Variants in NAPA observed in about 807,000 individuals in gnomAD.
NAPA encodes the protein alpha-soluble NSF attachment protein.
A neutral mutation model predicts 48.0 loss-of-function variants in NAPA; 18 were observed. The ratio of observed to expected loss-of-function variants is 0.38; its 90% CI spans 0.26 to 0.56. The LOEUF is 0.56. Ranked by LOEUF, NAPA falls within the 20% of genes least tolerant of loss-of-function variation. The pLI is 0.77. For synonymous variants in NAPA, 152 were observed against 149.9 expected (o/e 1.01, Z -0.10); for missense variants, 315 against 385.0 (o/e 0.82, Z 1.52).
chr19:47,492,819 A>T, intron 7 of NAPA, 142 bp downstream of exon 7: 1 of 767,846 alleles, frequency 1.3e-6, no homozygotes, highest in South Asian at 1.4e-5. Context: ...GGGTGGGGGG[A>T]TGACATGGCA....
At chr19:47,507,601 A>G (rs1968718031) in intron 1 of NAPA, among the ~76,000 whole-genome samples, 1 of 152,146 alleles carries the variant, frequency 6.6e-6, no homozygotes, top group Non-Finnish European at 1.5e-5. Flanking sequence ...CTTAAGGCCC[A>G]CTGCCCCAAG....
intron 7 of NAPA, chr19:47,492,431 G>A: frequency 2.3e-6 from 1 of 438,080 alleles, no homozygotes. Context: ...ACGGGAGGCT[G>A]GCATGGCGGT....
At chr19:47,509,548 C>T (rs1371834256) in intron 1 of NAPA, among the ~76,000 whole-genome samples, 5 of 152,128 alleles carry the variant, frequency 3.3e-5, no homozygotes, top group Middle Eastern at 3.2e-3. Context: ...GGCCACACCA[C>T]GGGCGTTCAG....
chr19:47,488,511 TAG>T, intron 10 of NAPA, 122 bp from the exon 11 acceptor site: 2 of 701,586 alleles, frequency 2.9e-6, no homozygotes, highest in South Asian at 3.8e-5. Flanking sequence ...TGAGGAGGAG[TAG>T]AGGGAGGGCT....
Position 47,489,726 on chromosome 19 carries a change from G to C in NAPA, c.771C>G (p.Asp257Glu). The C allele has an allele frequency of 6.2e-7, 1 of 1,614,096 alleles. No homozygotes were observed. Among genetic ancestry groups the C allele is most frequent in the Non-Finnish European group, 8.5e-7 (1 of 1,180,006 alleles). Residue 257 changes from aspartate to glutamate, a missense_variant, in exon 10 of 11, where the codon GAC becomes GAG. Around this residue, in one of 3 missense-constraint regions of NAPA, gnomAD observed 137 missense variants for 150.1 expected, o/e 0.91. Coordinates refer to ENST00000263354, the MANE Select transcript of NAPA (RefSeq NM_003827.4). The stretch of plus-strand genomic sequence containing the variant: ...GGCCACTCACCGACTCGGTGTAGCT[G>C]TCCACATTCTGCTCCTCGTGGGCCT... The part of the protein sequence containing the change: ...LLEAHEEQNV[D>E]SYTESVKEYD...
chr19:47,505,994 C>CT (rs760461648), intron 1 of NAPA, among the ~76,000 whole-genome samples: 4,179 of 126,916 alleles, frequency 0.033, 214 homozygotes, highest in African/African-American at 0.093. Context: ...GGAGTGACTT[C>CT]TTTTTTTTTT....
chr19:47,485,515 C>G (rs868775877), downstream of NAPA, among the ~76,000 whole-genome samples: 1 of 152,322 alleles, frequency 6.6e-6, no homozygotes, highest in Admixed American at 6.5e-5. Context: ...GGCCAGCTGT[C>G]CTGGACACCT....
chr19:47,500,142 C>T (rs1188136822), intron 3 of NAPA, among the ~76,000 whole-genome samples: 1 of 152,188 alleles, frequency 6.6e-6, no homozygotes, highest in Non-Finnish European at 1.5e-5. Context: ...CTGGCAACTA[C>T]ATCTCGGGCT....
Position 47,506,374 on chromosome 19 carries a change from G to T in NAPA, c.99-2872C>A, listed in dbSNP as rs1450969490. ...TCAAAACCTTCTGGCTGAGAATCCTGAAGGGTCCTTTGGGGCCTGGCTGCA... is the reference window on the plus strand; with the variant it reads ...TCAAAACCTTCTGGCTGAGAATCCTTAAGGGTCCTTTGGGGCCTGGCTGCA... On this transcript the variant is annotated intron_variant, in intron 1 of 10. Coordinates refer to ENST00000263354, the MANE Select transcript of NAPA (RefSeq NM_003827.4). This position sits in a 1 kb window ranked among gnomAD's most constrained non-coding sequence, Gnocchi z 4.0. 6.6e-6 allele frequency among the ~76,000 whole-genome samples: 1 copy of T among 152,144 alleles called. No homozygotes were observed. Among genetic ancestry groups the T allele is most frequent in the East Asian group, 1.9e-4 (1 of 5,194 alleles).
chr19:47,503,423 C>A lies in NAPA; in HGVS notation c.178G>T (p.Ala60Ser). 1 of 1,613,238 alleles carries A rather than the reference C, an allele frequency of 6.2e-7. No homozygotes were observed. Among genetic ancestry groups the A allele is most frequent in the Non-Finnish European group, 8.5e-7 (1 of 1,179,138 alleles). Residue 60 changes from alanine to serine, a missense_variant and splice_region_variant, in exon 2 of 11, where the codon GCT becomes TCT. Physicochemically the swap from Ala to Ser is moderately conservative, Grantham distance 99. This residue lies in a region of NAPA where 173 missense variants were observed against 213.5 expected (regional missense o/e 0.81). Coordinates refer to ENST00000263354, the MANE Select transcript of NAPA (RefSeq NM_003827.4). Reference sequence around the variant, plus strand: ...AGGAGCTCTAGCGGAGATGACATACCACTCCAGTTTTTGGCCATTTTGAAC... The same window carrying A: ...AGGAGCTCTAGCGGAGATGACATACAACTCCAGTTTTTGGCCATTTTGAAC... ...NMFKMAKNWSAAGNAFCQAAQ... is the reference protein window; with the variant it reads ...NMFKMAKNWSSAGNAFCQAAQ...
At chr19:47,489,332 C>G (rs1185747463) in intron 10 of NAPA, 2 of 251,312 alleles carry the variant, frequency 8.0e-6, no homozygotes, top group East Asian at 1.5e-4. Context: ...CTTCTCACCC[C>G]TTCCCTCCCC....
intron 1 of NAPA, among the ~76,000 whole-genome samples, chr19:47,509,728 T>C (rs1377891395): frequency 6.6e-6 from 1 of 152,182 alleles, no homozygotes; most frequent in East Asian, 1.9e-4. Context: ...TACTGCACAA[T>C]GCTCAAAATA....
intron 3 of NAPA, chr19:47,497,027 A>T (rs1968444377): frequency 3.3e-6 from 1 of 306,644 alleles, no homozygotes; most frequent in Non-Finnish European, 6.7e-6. Flanking sequence ...AAGGGGAGAG[A>T]ACACAACCTA....
At chr19:47,489,841 T>A in intron 9 of NAPA, 80 bp from the exon 10 acceptor site, 2 of 1,479,430 alleles carry the variant, frequency 1.4e-6, no homozygotes, top group South Asian at 2.3e-5. Flanking sequence ...GGACACGCTA[T>A]CTGTATGCCA....
downstream of NAPA, among the ~76,000 whole-genome samples, chr19:47,484,704 CTATT>C (rs1968018707): frequency 6.9e-6 from 1 of 145,598 alleles, no homozygotes; most frequent in Admixed American, 7.0e-5. Context: ...CCACAGTTCA[CTATT>C]TTTTTTTTTT....
In NAPA at chr19:47,493,237, A is replaced by AGCTTCCACACCCTCCGCCCTGCCT; in HGVS notation, c.421-87_421-64dup. The AGCTTCCACACCCTCCGCCCTGCCT allele has an allele frequency of 6.6e-7, 1 of 1,525,624 alleles. No homozygotes were observed. Among genetic ancestry groups the AGCTTCCACACCCTCCGCCCTGCCT allele is most frequent in the Non-Finnish European group, 8.9e-7 (1 of 1,119,694 alleles). 94.5% of individuals were successfully genotyped at this position (1,525,624 alleles called of 1,614,324 possible). On this transcript the variant is annotated intron_variant, in intron 5 of 10. Transcript: ENST00000263354. The surrounding 1 kb of genome is among the most constrained non-coding windows in gnomAD (Gnocchi z 6.4). ...GGGAAGGGAGAGGAGGCCTCCGTGA[A>AGCTTCCACACCCTCCGCCCTGCCT]GCTTCCACACCCTCCGCCCTGCCTG...
At chr19:47,492,811 G>A (rs1450003689) in intron 7 of NAPA, 150 bp downstream of exon 7, 6 of 751,208 alleles carry the variant, frequency 8.0e-6, no homozygotes, top group South Asian at 5.8e-5. Context: ...TGAAGACAGG[G>A]TGGGGGGATG....
intron 2 of NAPA, among the ~76,000 whole-genome samples, chr19:47,501,113 C>T (rs891311252): frequency 6.6e-5 from 10 of 152,048 alleles, no homozygotes; most frequent in African/African-American, 2.4e-4. Flanking sequence ...TCCAGGGCCA[C>T]CACTTCTAAA....
chr19:47,512,551 A>C (rs995686483), intron 1 of NAPA, among the ~76,000 whole-genome samples: 1 of 152,122 alleles, frequency 6.6e-6, no homozygotes, highest in Non-Finnish European at 1.5e-5. Flanking sequence ...CCCTGGGCCA[A>C]AGGGACCAGA....
Sources: allele counts gnomAD v4.1 joint callset (sites outside exome capture counted in the v4.1 genomes callset), GRCh38; gene constraint gnomAD v4.1.1; regional missense constraint gnomAD v4.1.1; non-coding constraint Gnocchi (gnomAD v3.1); transcripts MANE v1.5; gene names NCBI Gene and HGNC (gene_info 2026-07-23, HGNC 2026-07-21).